RBM19: variants seen among roughly 807,000 people sequenced by gnomAD.
RBM19 encodes probable RNA-binding protein 19.
In RBM19, 94 loss-of-function variants were observed where a neutral mutation model predicts 116.8. That is an observed-to-expected ratio of 0.80 (90% CI 0.68 to 0.95). The LOEUF is 0.95. RBM19 is among the 40% of genes least tolerant of loss of function. The pLI is 0.00. For missense variants in RBM19, 1,161 were observed against 1,220.7 expected, an observed-to-expected ratio of 0.95 and a Z score of 0.73; for synonymous variants, 475 against 494.1, an observed-to-expected ratio of 0.96 and a Z score of 0.51.
In RBM19 at chr12:113,822,885, G is replaced by A. The variant is rs1048996342; in HGVS notation, c.*339C>T. 6 of 214,988 alleles carry A rather than the reference G, an allele frequency of 2.8e-5. No individual in the cohort carries two copies. Among genetic ancestry groups the A allele is most frequent in the Non-Finnish European group, 4.6e-5 (5 of 108,794 alleles). 13.3% of individuals were successfully genotyped at this position (214,988 alleles called of 1,614,324 possible). A position where few individuals can be genotyped will look rare whatever the true frequency, so the allele number is the denominator to read the frequency against. Reference sequence around the variant, plus strand: ...CGTCCCCTTACTCTCCTGGGGTGGGGACAGGGGGAGCAGGGGTTCTAGCTC... The same window carrying A: ...CGTCCCCTTACTCTCCTGGGGTGGGAACAGGGGGAGCAGGGGTTCTAGCTC... On this transcript the variant is annotated 3_prime_UTR_variant, in exon 24 of 24. Coordinates refer to ENST00000261741, the MANE Select transcript of RBM19 (RefSeq NM_016196.4).
intron 21 of RBM19, among the ~76,000 whole-genome samples, chr12:113,864,816 G>A (rs1008547207): frequency 2.6e-5 from 4 of 152,206 alleles, no homozygotes; most frequent in African/African-American, 9.7e-5. Flanking sequence ...CTCTAACAGA[G>A]GCTAATCCAA....
chr12:113,906,388 C>T (rs1882046805), intron 21 of RBM19, among the ~76,000 whole-genome samples: 1 of 152,062 alleles, frequency 6.6e-6, no homozygotes, highest in Admixed American at 6.5e-5. Flanking sequence ...GTTCCATTTA[C>T]AGAAAGTACA....
intron 22 of RBM19, among the ~76,000 whole-genome samples, chr12:113,857,039 T>A (rs1220656816): frequency 1.3e-5 from 2 of 152,176 alleles, no homozygotes; most frequent in African/African-American, 4.8e-5. Context: ...GTAAGAGACA[T>A]TTCTTAGGAG....
chr12:113,883,063 G>GGA (rs1179047057), intron 21 of RBM19, among the ~76,000 whole-genome samples: 1 of 152,056 alleles, frequency 6.6e-6, no homozygotes. Flanking sequence ...AGAGAGGGAA[G>GGA]GAGAGAGAGA....
intron 23 of RBM19, among the ~76,000 whole-genome samples, chr12:113,841,671 C>T (rs1327433348): frequency 6.6e-6 from 1 of 152,102 alleles, no homozygotes; most frequent in Admixed American, 6.6e-5. Context: ...GTGATCCACC[C>T]ACCTCGGCCT....
chr12:113,952,810 C>T (rs550316283), intron 7 of RBM19, among the ~76,000 whole-genome samples: 3 of 152,230 alleles, frequency 2.0e-5, no homozygotes, highest in South Asian at 2.1e-4. Flanking sequence ...ATAGCAGTGT[C>T]ACTATCAGCG....
chr12:113,899,392 CTTGT>C (rs1175701703), intron 21 of RBM19, among the ~76,000 whole-genome samples: 1 of 152,178 alleles, frequency 6.6e-6, no homozygotes, highest in Non-Finnish European at 1.5e-5. Context: ...CCTCACTGAC[CTTGT>C]ATCTTACAGC....
At chr12:113,854,346 T>C (rs918073094) in intron 22 of RBM19, among the ~76,000 whole-genome samples, 1 of 152,166 alleles carries the variant, frequency 6.6e-6, no homozygotes, top group Non-Finnish European at 1.5e-5. Flanking sequence ...CCTGGTTGCA[T>C]GGCGTTGATG....
At chr12:113,829,977 A>G (rs188041720) in intron 23 of RBM19, among the ~76,000 whole-genome samples, 79 of 152,354 alleles carry the variant, frequency 5.2e-4, no homozygotes, top group Non-Finnish European at 1.0e-3. Context: ...ACTTTCCTAC[A>G]GAAATTCCAC....
Position 113,858,809 on chromosome 12 carries a change from G to A in RBM19, c.2646C>T (p.Leu882=), listed in dbSNP as rs749917771. Residue 882 remains leucine, a synonymous_variant, in exon 22 of 24, where the codon CTC becomes CTT. Transcript: ENST00000261741. ...THRGFGFVDF[L]TKQDAKRAFN... Reference sequence around the variant, plus strand: ...GTCTCACCTTCGCATCCTGCTTGGTGAGGAAGTCCACAAAGCCGAAGCCTC... The same window carrying A: ...GTCTCACCTTCGCATCCTGCTTGGTAAGGAAGTCCACAAAGCCGAAGCCTC... 30 of 1,614,018 alleles carry A rather than the reference G, an allele frequency of 1.9e-5. No homozygotes were observed.
At chr12:113,960,689 A>C (rs1872416785) in intron 2 of RBM19, among the ~76,000 whole-genome samples, 1 of 152,068 alleles carries the variant, frequency 6.6e-6, no homozygotes. Context: ...CCAAGCACTC[A>C]ACCAGGCTCT....
chr12:113,869,883 G>A (rs952089557), intron 21 of RBM19, among the ~76,000 whole-genome samples: 2 of 152,210 alleles, frequency 1.3e-5, no homozygotes, highest in African/African-American at 4.8e-5. Context: ...CACCAGCTGT[G>A]GTGAACATTG....
At chr12:113,842,654 T>C (rs7967607) in intron 23 of RBM19, among the ~76,000 whole-genome samples, 152,363 of 152,364 alleles carry the variant, frequency 1, 76,181 homozygotes, top group Middle Eastern at 1. Flanking sequence ...GGATAACAAA[T>C]CGTAAAGAAA....
At chr12:113,950,300 C>T in intron 8 of RBM19, 146 bp from the exon 9 acceptor site, 1 of 650,490 alleles carries the variant, frequency 1.5e-6, no homozygotes. Context: ...CAAAGGGTCT[C>T]CCTCTCTCTG....
At chr12:113,914,935 C>A in intron 21 of RBM19, 34 bp downstream of exon 21, 1 of 1,573,928 alleles carries the variant, frequency 6.4e-7, no homozygotes. Flanking sequence ...CCCGCCCACA[C>A]GCCAGTCCCC....
intron 9 of RBM19, among the ~76,000 whole-genome samples, chr12:113,949,285 C>T (rs972241384): frequency 1.3e-5 from 2 of 152,206 alleles, no homozygotes; most frequent in African/African-American, 4.8e-5. Context: ...TGAGTTATCC[C>T]AGACCACGGT....
chr12:113,942,203 T>C (rs2135910163), intron 14 of RBM19, 121 bp downstream of exon 14: 1 of 833,052 alleles, frequency 1.2e-6, no homozygotes, highest in Non-Finnish European at 1.8e-6. Context: ...TAGAGACAAT[T>C]TAGAAATCAG....
At chr12:113,880,349 A>G (rs1880014970) in intron 21 of RBM19, among the ~76,000 whole-genome samples, 1 of 151,980 alleles carries the variant, frequency 6.6e-6, no homozygotes. Context: ...CCCTACCCTC[A>G]CTGGTTCCTC....
At position 113,823,255 on chromosome 12, in the gene RBM19, C is replaced by T. The variant is rs1874572260; in HGVS notation, c.2852G>A (p.Ser951Asn). Residue 951 changes from serine to asparagine, a missense_variant, in exon 24 of 24, where the codon AGC becomes AAC. Ser to Asn is a conservative substitution (Grantham distance 46). Transcript: ENST00000261741. ...EILEQLEGSD[S>N]DSEEQTLQL ...CTGAAGGGTCTGCTCCTCGCTGTCG[C>T]TGTCACTGCCTTCCAGCTGCTCCAG... 2 of 1,612,574 alleles carry T rather than the reference C, an allele frequency of 1.2e-6. No homozygotes were observed. Among genetic ancestry groups the T allele is most frequent in the Non-Finnish European group, 1.7e-6 (2 of 1,180,024 alleles).
Sources: gnomAD v4.1 joint callset for allele counts (sites outside exome capture counted in the v4.1 genomes callset) on GRCh38, gnomAD v4.1.1 for gene constraint, MANE v1.5 for transcripts, NCBI Gene and HGNC (gene_info 2026-07-23, HGNC 2026-07-21) for gene names.